The following PITPNM2 variants were observed in gnomAD, a reference collection of about 807,000 sequenced individuals.
PITPNM2 encodes membrane-associated phosphatidylinositol transfer protein 2.
PITPNM2 carries 35 observed loss-of-function variants against 132.2 expected under a neutral mutation model. That is an observed-to-expected ratio of 0.26 (90% CI 0.20 to 0.35). PITPNM2 has a LOEUF of 0.35. PITPNM2 is among the 10% of genes least tolerant of loss of function. The pLI is 1.00. For synonymous variants in PITPNM2, 738 were observed against 799.2 expected (o/e 0.92, Z 1.29); for missense variants, 1,332 against 1,912.0 (o/e 0.70, Z 5.66).
chr12:123,031,386 T>C lies in PITPNM2; in HGVS notation c.78+3127A>G, dbSNP rs2040081972. On this transcript the variant is annotated intron_variant, in intron 3 of 25. Transcript: ENST00000320201. This position sits in a 1 kb window ranked among gnomAD's most constrained non-coding sequence, Gnocchi z 4.5. ...GTGGAGGCCAGAACCCAGCGATGCATCCGCCTGTCTAAGACCCAGCTGGGG... is the reference window on the plus strand; with the variant it reads ...GTGGAGGCCAGAACCCAGCGATGCACCCGCCTGTCTAAGACCCAGCTGGGG... 6.6e-6 allele frequency among the ~76,000 whole-genome samples: 1 copy of C among 152,126 alleles called. No homozygotes were observed. Among genetic ancestry groups the C allele is most frequent in the Non-Finnish European group, 1.5e-5 (1 of 68,030 alleles).
chr12:122,991,316 C>G (rs200221022), intron 16 of PITPNM2, among the ~76,000 whole-genome samples: 2 of 152,104 alleles, frequency 1.3e-5, no homozygotes, highest in Non-Finnish European at 2.9e-5. Context: ...CTCAGCCAGA[C>G]AAGCCACACC....
chr12:122,988,290 T>A lies in PITPNM2; in HGVS notation c.2941A>T (p.Thr981Ser), dbSNP rs2038025910. The change falls in exon 20 of 26, where the codon ACC (threonine) becomes TCC (serine). Residue 981 changes from threonine to serine, a missense_variant. By Grantham distance (58) the Thr-to-Ser change is moderately conservative. Transcript: ENST00000320201. Reference sequence around the variant, plus strand: ...CACTTCTCCCTTGGCTTTGAGGGGGTGAACACCGACACTTCCTTGCCATCC... The same window carrying A: ...CACTTCTCCCTTGGCTTTGAGGGGGAGAACACCGACACTTCCTTGCCATCC... ...ELDGKEVSVF[T>S]PSKPREKWQR... 6.2e-7 allele frequency: 1 copy of A among 1,613,176 alleles called. No individual in the cohort carries two copies. The highest frequency in any genetic ancestry group is 8.5e-7 in the Non-Finnish European group (1 of 1,179,966).
intron 2 of PITPNM2, among the ~76,000 whole-genome samples, chr12:123,050,905 T>A (rs2040835283): frequency 6.6e-6 from 1 of 152,078 alleles, no homozygotes; most frequent in African/African-American, 2.4e-5. Flanking sequence ...ACTGGTCAAA[T>A]TTGGAAAGCC....
At chr12:123,073,733 C>T (rs1387777697) in intron 2 of PITPNM2, among the ~76,000 whole-genome samples, 4 of 152,340 alleles carry the variant, frequency 2.6e-5, no homozygotes, top group Middle Eastern at 3.4e-3. Flanking sequence ...ATCAGAGTGA[C>T]CCGGATTTTC....
At chr12:123,018,921 T>C (rs1213735834) in intron 3 of PITPNM2, among the ~76,000 whole-genome samples, 7 of 151,856 alleles carry the variant, frequency 4.6e-5, no homozygotes, top group African/African-American at 1.7e-4. Flanking sequence ...GTAGCTGGGA[T>C]TACAGGCGTG....
intron 2 of PITPNM2, among the ~76,000 whole-genome samples, chr12:123,060,307 G>A (rs2041189508): frequency 6.6e-6 from 1 of 152,212 alleles, no homozygotes; most frequent in Non-Finnish European, 1.5e-5. Context: ...TGCACAGGCT[G>A]GTGAACTGAC....
At position 123,005,387 on chromosome 12, in the gene PITPNM2, C is replaced by T. The variant is rs1181735365; in HGVS notation, c.805G>A (p.Glu269Lys). The T allele has an allele frequency of 6.2e-7, 1 of 1,614,106 alleles. No individual in the cohort carries two copies. The highest frequency in any genetic ancestry group is 2.2e-5 in the East Asian group (1 of 44,892). ...GAGACGGCTTCGTGCTTGACGAGCT[C>T]AGTGGCCTCCTCACCATCCTCATTG... is the stretch of plus-strand genomic sequence containing the variant. ...QFNEDGEEATELVKHEAVSDQ... is the reference protein window; with the variant it reads ...QFNEDGEEATKLVKHEAVSDQ... The change falls in exon 7 of 26, where the codon GAG (glutamate) becomes AAG (lysine). Residue 269 changes from glutamate to lysine, a missense_variant. By Grantham distance (56) the Glu-to-Lys change is moderately conservative. This residue lies in a region of PITPNM2 where 710 missense variants were observed against 911.5 expected (regional missense o/e 0.78). Transcript: ENST00000320201. This position sits in a 1 kb window ranked among gnomAD's most constrained non-coding sequence, Gnocchi z 6.2.
At chr12:123,146,575 C>T (rs1031274695) in intron 1 of PITPNM2, among the ~76,000 whole-genome samples, 2 of 149,716 alleles carry the variant, frequency 1.3e-5, no homozygotes, top group Admixed American at 6.7e-5. Flanking sequence ...GCCTGGGCAA[C>T]AAGAGCGAAA....
Position 122,994,737 on chromosome 12 carries a change from A to C in PITPNM2, c.2233+64T>G. ...GGCCATGATCTCATCACAGGGGTCC[A>C]CTGAGACCCCCGCCCCCGCACCCAG... On this transcript the variant is annotated intron_variant, in intron 15 of 25. Coordinates refer to ENST00000320201, the MANE Select transcript of PITPNM2 (RefSeq NM_020845.3). This position sits in a 1 kb window ranked among gnomAD's most constrained non-coding sequence, Gnocchi z 5.4. 1 of 1,505,168 alleles carries C rather than the reference A, an allele frequency of 6.6e-7. No homozygotes were observed. The highest frequency in any genetic ancestry group is 8.9e-7 in the Non-Finnish European group (1 of 1,121,138). 93.2% of individuals were successfully genotyped at this position (1,505,168 alleles called of 1,614,324 possible). A position where few individuals can be genotyped will look rare whatever the true frequency, so the allele number is the denominator to read the frequency against.
chr12:123,051,119 C>G (rs988784826), intron 2 of PITPNM2, among the ~76,000 whole-genome samples: 4 of 152,212 alleles, frequency 2.6e-5, no homozygotes, highest in Non-Finnish European at 4.4e-5. Context: ...AGGCCCACCC[C>G]TCGCTGACAC....
chr12:123,104,599 A>AC (rs1278332819), intron 2 of PITPNM2, among the ~76,000 whole-genome samples: 2 of 148,762 alleles, frequency 1.3e-5, no homozygotes, highest in Non-Finnish European at 3.0e-5. Flanking sequence ...GCACCTTGCG[A>AC]CCCCCACTCC....
intron 2 of PITPNM2, among the ~76,000 whole-genome samples, chr12:123,042,609 C>A (rs1263318013): frequency 2.6e-5 from 4 of 152,128 alleles, no homozygotes; most frequent in Admixed American, 2.6e-4. Flanking sequence ...AGGGAGCCAC[C>A]GGCAGGTCTG....
rs1232344012 is a variant in PITPNM2, at chr12:123,023,093, CG to C, written c.79-9052del. 2.6e-5 allele frequency among the ~76,000 whole-genome samples: 4 copies of C among 152,236 alleles called. No homozygotes were observed. Among genetic ancestry groups the C allele is most frequent in the African/African-American group, 9.6e-5 (4 of 41,472 alleles). ...GCACAGCTGAATGAGGTAGGCAGTT[CG>C]AAGCACAGGCTGGGCTGGGGCCAGC... On this transcript the variant is annotated intron_variant, in intron 3 of 25. Coordinates refer to ENST00000320201, the MANE Select transcript of PITPNM2 (RefSeq NM_020845.3). The surrounding 1 kb of genome is among the most constrained non-coding windows in gnomAD (Gnocchi z 4.8).
intron 2 of PITPNM2, among the ~76,000 whole-genome samples, chr12:123,061,517 C>T (rs138404379): frequency 3.3e-5 from 5 of 152,354 alleles, no homozygotes; most frequent in Non-Finnish European, 7.3e-5. Flanking sequence ...CACTATGGCA[C>T]GTCAGGCATG....
chr12:123,123,837 G>A (rs2043078661), intron 1 of PITPNM2, among the ~76,000 whole-genome samples: 1 of 151,570 alleles, frequency 6.6e-6, no homozygotes, highest in Non-Finnish European at 1.5e-5. Context: ...TTGGGAGGCT[G>A]AGGCACAAGA....
At chr12:123,074,215 C>T (rs2041706523) in intron 2 of PITPNM2, among the ~76,000 whole-genome samples, 1 of 152,160 alleles carries the variant, frequency 6.6e-6, no homozygotes, top group South Asian at 2.1e-4. Flanking sequence ...TCTAGGGTGG[C>T]TGCAAACTGT....
chr12:123,101,251 G>A (rs2042556857), intron 2 of PITPNM2, among the ~76,000 whole-genome samples: 1 of 152,176 alleles, frequency 6.6e-6, no homozygotes, highest in Non-Finnish European at 1.5e-5. Context: ...TCCCCTTGCA[G>A]TGGGACATAG....
intron 2 of PITPNM2, among the ~76,000 whole-genome samples, chr12:123,040,299 G>A (rs1401680980): frequency 1.3e-5 from 2 of 152,138 alleles, no homozygotes; most frequent in Non-Finnish European, 2.9e-5. Flanking sequence ...AGCTTTGGAA[G>A]TGGTAGTGGT....
intron 2 of PITPNM2, among the ~76,000 whole-genome samples, chr12:123,079,934 C>T (rs1168199762): frequency 6.6e-6 from 1 of 152,206 alleles, no homozygotes; most frequent in Admixed American, 6.5e-5. Context: ...AGTCCCCTCT[C>T]CCCCAGCCCC....
Sources: allele counts gnomAD v4.1 joint callset (sites outside exome capture counted in the v4.1 genomes callset), GRCh38; gene constraint gnomAD v4.1.1; regional missense constraint gnomAD v4.1.1; non-coding constraint Gnocchi (gnomAD v3.1); transcripts MANE v1.5; gene names NCBI Gene and HGNC (gene_info 2026-07-23, HGNC 2026-07-21).